The following EXD3 variants were observed in gnomAD, a reference collection of about 807,000 sequenced individuals.
The protein encoded by EXD3 is exonuclease 3'-5' domain containing 3.
EXD3 carries 92 observed loss-of-function variants against 98.0 expected under a neutral mutation model. The ratio of observed to expected loss-of-function variants is 0.94; its 90% CI spans 0.79 to 1.12. EXD3 has a LOEUF of 1.12. Ranked by LOEUF, EXD3 falls within the 50% of genes most tolerant of loss-of-function variation. The pLI, the probability that EXD3 is intolerant of heterozygous loss-of-function variation, is 0.00. For missense variants in EXD3, 1,222 were observed against 1,191.6 expected, an observed-to-expected ratio of 1.03 and a Z score of -0.38; for synonymous variants, 569 against 526.0, an observed-to-expected ratio of 1.08 and a Z score of -1.12.
chr9:137,421,017 TG>T (rs1161660544), intron 1 of EXD3, among the ~76,000 whole-genome samples: 2 of 152,140 alleles, frequency 1.3e-5, no homozygotes, highest in African/African-American at 4.8e-5. Flanking sequence ...GACCTCGCTA[TG>T]TTGCCCAGGT....
intron 7 of EXD3, among the ~76,000 whole-genome samples, chr9:137,358,562 G>A (rs922943023): frequency 8.5e-5 from 13 of 152,132 alleles, no homozygotes; most frequent in Non-Finnish European, 1.3e-4. Flanking sequence ...TCTGTCTTCC[G>A]GGTTCCAGCT....
chr9:137,396,090 C>T (rs1423653028), intron 1 of EXD3, among the ~76,000 whole-genome samples: 1 of 152,048 alleles, frequency 6.6e-6, no homozygotes, highest in Non-Finnish European at 1.5e-5. Flanking sequence ...GCCTCAGCCT[C>T]CCGAGTAGCT....
At position 137,393,187 on chromosome 9, in the gene EXD3, C is replaced by T. The variant is rs552588806; in HGVS notation, c.55+2116G>A. The T allele has an allele frequency of 1.4e-4, 99 of 702,674 alleles. No individual in the cohort carries two copies. The African/African-American group carries it at 1.5e-3, about 11-fold the overall frequency. 43.5% of individuals were successfully genotyped at this position (702,674 alleles called of 1,614,324 possible). On this transcript the variant is annotated intron_variant, in intron 2 of 21. Coordinates refer to ENST00000340951, the MANE Select transcript of EXD3 (RefSeq NM_017820.5). This position sits in a 1 kb window ranked among gnomAD's most constrained non-coding sequence, Gnocchi z 4.6. ...TAGCTGGGGTGTTGCACTTTGAAAA[C>T]ATCCCACTCTGCTTAGGTGGAGAAG...
intron 1 of EXD3, among the ~76,000 whole-genome samples, chr9:137,400,041 A>G (rs1437490909): frequency 6.6e-6 from 1 of 151,950 alleles, no homozygotes; most frequent in Non-Finnish European, 1.5e-5. Flanking sequence ...AAAAAAAAAA[A>G]AAAAAAAGAA....
intron 8 of EXD3, among the ~76,000 whole-genome samples, 167 bp from the exon 9 acceptor site, chr9:137,354,940 C>T (rs977425142): frequency 1.3e-5 from 2 of 152,200 alleles, no homozygotes; most frequent in African/African-American, 2.4e-5. Context: ...CTGCTGGGGT[C>T]CACCCCACTC....
chr9:137,326,710 G>C (rs1332308887), intron 17 of EXD3, among the ~76,000 whole-genome samples: 1 of 152,168 alleles, frequency 6.6e-6, no homozygotes, highest in Non-Finnish European at 1.5e-5. Flanking sequence ...AATAAATGTT[G>C]GTGGGATGTG....
At position 137,371,661 on chromosome 9, in the gene EXD3, C is replaced by G. The variant is rs1835612616; in HGVS notation, c.462+1244G>C. 6.6e-6 allele frequency among the ~76,000 whole-genome samples: 1 copy of G among 151,878 alleles called. No homozygotes were observed. On this transcript the variant is annotated intron_variant, in intron 5 of 21. Transcript: ENST00000340951. This position sits in a 1 kb window ranked among gnomAD's most constrained non-coding sequence, Gnocchi z 8.0. Reference sequence around the variant, plus strand: ...CCTCCTCATACATGATCAGTGCACCCTGAGCTGAGCACCCCCAGGCCAGGC... The same window carrying G: ...CCTCCTCATACATGATCAGTGCACCGTGAGCTGAGCACCCCCAGGCCAGGC...
rs1477555078 is a variant in EXD3, at chr9:137,371,683, AGGCACCCCCGGGGCTG to A, written c.462+1206_462+1221del. ...ACCCTGAGCTGAGCACCCCCAGGCC[AGGCACCCCCGGGGCTG>A]GGCACCCCCAGGCAGGACACCCCTG... On this transcript the variant is annotated intron_variant, in intron 5 of 21. Coordinates refer to ENST00000340951, the MANE Select transcript of EXD3 (RefSeq NM_017820.5). This position sits in a 1 kb window ranked among gnomAD's most constrained non-coding sequence, Gnocchi z 8.0. 2.0e-5 allele frequency among the ~76,000 whole-genome samples: 3 copies of A among 150,712 alleles called. 1 individual carries two copies. Among genetic ancestry groups the A allele is most frequent in the South Asian group, 4.2e-4 (2 of 4,758 alleles).
In EXD3 at chr9:137,393,542, C is replaced by T. The variant is rs1837050122; in HGVS notation, c.55+1761G>A. ...TGGCCCCTCCCCGAGCACACGCTGA[C>T]CTGGCTACATCAGGGAAGGCGACAT... On this transcript the variant is annotated intron_variant, in intron 2 of 21. Coordinates refer to ENST00000340951, the MANE Select transcript of EXD3 (RefSeq NM_017820.5). The surrounding 1 kb of genome is among the most constrained non-coding windows in gnomAD (Gnocchi z 4.6). Among the ~76,000 whole-genome samples the T allele has an allele frequency of 6.6e-6, 1 of 152,218 alleles. No homozygotes were observed. The highest frequency in any genetic ancestry group is 2.1e-4 in the South Asian group (1 of 4,836).
At chr9:137,310,586 G>A (rs1234387230) in intron 19 of EXD3, among the ~76,000 whole-genome samples, 2 of 152,204 alleles carry the variant, frequency 1.3e-5, no homozygotes. Context: ...TGGGGGTGGG[G>A]GCAGGGAGGC....
At chr9:137,307,325 C>G in intron 21 of EXD3, 62 bp from the exon 22 acceptor site, 1 of 1,440,536 alleles carries the variant, frequency 6.9e-7, no homozygotes, top group Non-Finnish European at 9.1e-7. Flanking sequence ...CCAGGCTGCT[C>G]CCAGAGTGGT....
chr9:137,315,721 G>C (rs1831612316), intron 19 of EXD3, among the ~76,000 whole-genome samples: 1 of 152,106 alleles, frequency 6.6e-6, no homozygotes, highest in Non-Finnish European at 1.5e-5. Flanking sequence ...ATTCTTGTTA[G>C]CAAGCGCCTG....
chr9:137,395,231 A>AC lies in EXD3; in HGVS notation c.55+71dup. 8.7e-7 allele frequency: 1 copy of AC among 1,144,004 alleles called. No individual in the cohort carries two copies. The highest frequency in any genetic ancestry group is 1.3e-6 in the Non-Finnish European group (1 of 759,996). The allele number at this position is 1,144,004 out of a possible 1,614,324, so 70.9% of individuals were successfully genotyped here. ...CACTGAGTACACAGTGGGCGCCACC[A>AC]CCCCCCATGCACACCCACGCACCTC... On this transcript the variant is annotated intron_variant, in intron 2 of 21. Coordinates refer to ENST00000340951, the MANE Select transcript of EXD3 (RefSeq NM_017820.5). The surrounding 1 kb of genome is among the most constrained non-coding windows in gnomAD (Gnocchi z 6.5).
intron 17 of EXD3, among the ~76,000 whole-genome samples, chr9:137,325,174 A>G (rs1176831018): frequency 6.6e-6 from 1 of 152,204 alleles, no homozygotes; most frequent in African/African-American, 2.4e-5. Context: ...TGGTTTCTAC[A>G]TACATTTTAC....
chr9:137,405,780 G>A lies in EXD3; in HGVS notation c.-47-10376C>T, dbSNP rs1228466741. On this transcript the variant is annotated intron_variant, in intron 1 of 21. Transcript: ENST00000340951. This position sits in a 1 kb window ranked among gnomAD's most constrained non-coding sequence, Gnocchi z 4.1. ...ATGAGCCTGGCTTCTCCTGCCGGCC[G>A]GCACAGGGGTGGGTACCATGCACAT... is the stretch of plus-strand genomic sequence containing the variant. 2.6e-5 allele frequency among the ~76,000 whole-genome samples: 4 copies of A among 152,238 alleles called. No individual in the cohort carries two copies. The highest frequency in any genetic ancestry group is 1.9e-4 in the East Asian group (1 of 5,196).
intron 17 of EXD3, among the ~76,000 whole-genome samples, chr9:137,345,394 G>A (rs1833865085): frequency 6.6e-6 from 1 of 152,222 alleles, no homozygotes; most frequent in Non-Finnish European, 1.5e-5. Context: ...GGGTGTGGTG[G>A]CTCACGCCTG....
intron 5 of EXD3, among the ~76,000 whole-genome samples, chr9:137,370,553 G>A (rs1026465132): frequency 2.0e-5 from 3 of 151,756 alleles, no homozygotes; most frequent in Admixed American, 6.6e-5. Context: ...TGGCGGGGTC[G>A]GGGTGGGGCT....
intron 3 of EXD3, among the ~76,000 whole-genome samples, chr9:137,376,264 A>G (rs1427936135): frequency 1.3e-5 from 2 of 150,510 alleles, no homozygotes; most frequent in Non-Finnish European, 2.9e-5. Flanking sequence ...GAATGGCGTG[A>G]ACCCAGGAGG....
intron 19 of EXD3, among the ~76,000 whole-genome samples, chr9:137,321,097 T>C (rs1832009401): frequency 6.6e-6 from 1 of 152,198 alleles, no homozygotes; most frequent in Non-Finnish European, 1.5e-5. Context: ...TCCAGGGGCC[T>C]GTGTGTACAG....
Sources: allele counts gnomAD v4.1 joint callset (sites outside exome capture counted in the v4.1 genomes callset), GRCh38; gene constraint gnomAD v4.1.1; non-coding constraint Gnocchi (gnomAD v3.1); transcripts MANE v1.5; gene names NCBI Gene and HGNC (gene_info 2026-07-23, HGNC 2026-07-21).